SATB1: variants seen among roughly 807,000 people sequenced by gnomAD.
The protein encoded by SATB1 is DNA-binding protein SATB1.
SATB1 carries 11 observed loss-of-function variants against 86.9 expected under a neutral mutation model. The observed-to-expected ratio is 0.13, with a 90% CI of 0.08 to 0.21. The LOEUF (loss-of-function observed/expected upper bound fraction) is 0.21. SATB1 is among the 10% of genes least tolerant of loss of function. The pLI is 1.00. For missense variants in SATB1, 551 were observed against 937.6 expected (o/e 0.59, Z 5.39); for synonymous variants, 357 against 357.2 (o/e 1.00, Z 0.01).
chr3:18,430,874 A>G (rs991110756), intron 2 of SATB1, among the ~76,000 whole-genome samples: 3 of 152,330 alleles, frequency 2.0e-5, no homozygotes, highest in African/African-American at 7.2e-5. Flanking sequence ...AGGTCATTAT[A>G]GTTGAGGGGG....
In SATB1 at chr3:18,349,759, T is replaced by C. The variant is rs146025787; in HGVS notation, c.1780-77A>G. The C allele has an allele frequency of 7.8e-4, 1,180 of 1,506,416 alleles. 9 individuals carry two copies. In the African/African-American group the frequency reaches 0.012, roughly 15 times the overall value. The allele number at this position is 1,506,416 out of a possible 1,614,324, so 93.3% of individuals were successfully genotyped here. On this transcript the variant is annotated intron_variant, in intron 10 of 10. Transcript: ENST00000338745. This position sits in a 1 kb window ranked among gnomAD's most constrained non-coding sequence, Gnocchi z 5.5. ...CAAAGCCGTCTCCAATCAGGAAAAA[T>C]GTGGTCCCGGATCCTACATATAGCT...
chr3:18,392,174 A>G (rs2125110717), intron 7 of SATB1, among the ~76,000 whole-genome samples: 1 of 152,302 alleles, frequency 6.6e-6, no homozygotes, highest in South Asian at 2.1e-4. Context: ...TATACAAGGT[A>G]AAGTTTTCAT....
At chr3:18,426,945 T>C (rs990954770), upstream of SATB1, among the ~76,000 whole-genome samples, 1 of 152,124 alleles carries the variant, frequency 6.6e-6, no homozygotes, top group Non-Finnish European at 1.5e-5. This position sits in a 1 kb window ranked among gnomAD's most constrained non-coding sequence, Gnocchi z 4.2. Context: ...AATGAAAATA[T>C]ATCACTCTAA....
chr3:18,373,754 A>G (rs1298455132), intron 9 of SATB1, among the ~76,000 whole-genome samples: 1 of 152,196 alleles, frequency 6.6e-6, no homozygotes, highest in African/African-American at 2.4e-5. Flanking sequence ...AAGTGACTGA[A>G]AAGTAGATGA....
intron 7 of SATB1, among the ~76,000 whole-genome samples, chr3:18,389,267 T>G (rs1696507617): frequency 6.6e-6 from 1 of 151,162 alleles, no homozygotes; most frequent in African/African-American, 2.4e-5. Flanking sequence ...TTGGGTTTTT[T>G]TTTTTTTTTT....
chr3:18,379,315 A>G (rs1695924348), intron 8 of SATB1, among the ~76,000 whole-genome samples: 1 of 152,186 alleles, frequency 6.6e-6, no homozygotes, highest in Non-Finnish European at 1.5e-5. Flanking sequence ...TTACATAAAA[A>G]CCATGTAGCT....
intron 8 of SATB1, among the ~76,000 whole-genome samples, chr3:18,385,603 A>G (rs1438361791): frequency 6.7e-6 from 1 of 149,076 alleles, no homozygotes; most frequent in Non-Finnish European, 1.5e-5. Flanking sequence ...AGCCTGGGTG[A>G]CAGAGCGGCA....
chr3:18,410,881 T>C (rs796431986), intron 5 of SATB1: 15 of 380,898 alleles, frequency 3.9e-5, no homozygotes, highest in African/African-American at 2.9e-4. Flanking sequence ...TCATTTATAA[T>C]ACAGACTGAA....
At chr3:18,384,492 A>C (rs1380746094) in intron 8 of SATB1, among the ~76,000 whole-genome samples, 1 of 151,564 alleles carries the variant, frequency 6.6e-6, no homozygotes, top group African/African-American at 2.4e-5. Context: ...TCAATGTTGA[A>C]GTTCATATTG....
intron 8 of SATB1, among the ~76,000 whole-genome samples, chr3:18,383,893 T>G (rs1449838564): frequency 2.6e-5 from 4 of 152,132 alleles, no homozygotes; most frequent in Non-Finnish European, 5.9e-5. Flanking sequence ...AACAAACTGG[T>G]AGTGATCTCC....
At chr3:18,397,566 C>A (rs2125121623) in intron 5 of SATB1, among the ~76,000 whole-genome samples, 1 of 152,280 alleles carries the variant, frequency 6.6e-6, no homozygotes, top group South Asian at 2.1e-4. Flanking sequence ...TCAATGCCAT[C>A]TATTACTAGG....
Position 18,346,396 on chromosome 3 carries a change from C to A in SATB1, c.*2774G>T, listed in dbSNP as rs932185259. On this transcript the variant is annotated 3_prime_UTR_variant, in exon 11 of 11. Coordinates refer to ENST00000338745, the MANE Select transcript of SATB1 (RefSeq NM_002971.6). ...TAAAAGTCTCTGAAATACTTGGACA[C>A]AATGAAGCTTGTTAAAGGAATTTTA... 1 of 152,078 alleles carries A rather than the reference C, an allele frequency of 6.6e-6. No individual in the cohort carries two copies. The highest frequency in any genetic ancestry group is 2.4e-5 in the African/African-American group (1 of 41,426). 9.4% of individuals were successfully genotyped at this position (152,078 alleles called of 1,614,324 possible). A position where few individuals can be genotyped will look rare whatever the true frequency, so the allele number is the denominator to read the frequency against.
chr3:18,363,039 C>G (rs1442609255), intron 9 of SATB1, among the ~76,000 whole-genome samples: 1 of 152,080 alleles, frequency 6.6e-6, no homozygotes, highest in Non-Finnish European at 1.5e-5. Flanking sequence ...TTATGTGAAA[C>G]TTTTCAACAC....
At chr3:18,430,379 A>C (rs1410366008) in intron 2 of SATB1, among the ~76,000 whole-genome samples, 2 of 152,208 alleles carry the variant, frequency 1.3e-5, no homozygotes, top group East Asian at 3.8e-4. Flanking sequence ...GCTAAATACA[A>C]ATTTAAGAAC....
chr3:18,434,286 G>A (rs1303061855), intron 2 of SATB1, among the ~76,000 whole-genome samples: 8 of 151,982 alleles, frequency 5.3e-5, no homozygotes, highest in Admixed American at 3.3e-4. Context: ...CTTCAAGGCT[G>A]GCATATGCCG....
chr3:18,397,706 G>A (rs1275960878), intron 5 of SATB1, among the ~76,000 whole-genome samples: 2 of 152,166 alleles, frequency 1.3e-5, no homozygotes, highest in Admixed American at 6.5e-5. Flanking sequence ...GTATAGACCA[G>A]GGACCAGCAA....
At chr3:18,370,975 A>G (rs1695451554) in intron 9 of SATB1, among the ~76,000 whole-genome samples, 1 of 152,212 alleles carries the variant, frequency 6.6e-6, no homozygotes. Context: ...ATGTGTTGCA[A>G]TGGTCAATTT....
chr3:18,421,843 TA>T (rs201544416), intron 1 of SATB1, among the ~76,000 whole-genome samples: 1,388 of 136,796 alleles, frequency 0.01, 8 homozygotes, highest in African/African-American at 0.028. Flanking sequence ...CAAGCTCAAT[TA>T]AAAAAAAAAA....
At chr3:18,410,701 A>T (rs1486450268) in intron 5 of SATB1, 2 of 211,162 alleles carry the variant, frequency 9.5e-6, no homozygotes, top group African/African-American at 4.6e-5. Context: ...TCTCATGTGA[A>T]ATGCAGTATA....
Sources: allele counts gnomAD v4.1 joint callset (sites outside exome capture counted in the v4.1 genomes callset), GRCh38; gene constraint gnomAD v4.1.1; non-coding constraint Gnocchi (gnomAD v3.1); transcripts MANE v1.5; gene names NCBI Gene and HGNC (gene_info 2026-07-23, HGNC 2026-07-21).